The following ADIPOR2 variants were observed in gnomAD, a reference collection of about 807,000 sequenced individuals.
ADIPOR2 encodes the protein adiponectin receptor protein 2.
Under a neutral mutation model 40.9 loss-of-function variants are expected in ADIPOR2, and 18 were observed. That is an observed-to-expected ratio of 0.44 (90% CI 0.30 to 0.65). The LOEUF is 0.65. Among genes scored for constraint, ADIPOR2 ranks in the 30% least tolerant of loss-of-function variants. ADIPOR2 has a pLI of 0.09. For synonymous variants in ADIPOR2, 165 were observed against 166.4 expected (o/e 0.99, Z 0.06); for missense variants, 283 against 479.2 (o/e 0.59, Z 3.82).
At chr12:1,749,451 C>T (rs1306497224) in intron 1 of ADIPOR2, among the ~76,000 whole-genome samples, 1 of 152,174 alleles carries the variant, frequency 6.6e-6, no homozygotes, top group Non-Finnish European at 1.5e-5. Context: ...GGAATAAAGG[C>T]TATGGGAGTT....
intron 6 of ADIPOR2, among the ~76,000 whole-genome samples, chr12:1,782,382 C>T (rs1862735065): frequency 6.6e-6 from 1 of 152,190 alleles, no homozygotes; most frequent in African/African-American, 2.4e-5. Context: ...CAAATGACAG[C>T]TTGTTTTGCA....
intron 1 of ADIPOR2, among the ~76,000 whole-genome samples, chr12:1,706,794 A>G (rs761050165): frequency 1.4e-4 from 22 of 152,180 alleles, no homozygotes; most frequent in Non-Finnish European, 2.4e-4. Context: ...GTTCAAGGAA[A>G]CCACTGATTT....
chr12:1,783,180 A>G (rs974131817), intron 6 of ADIPOR2, among the ~76,000 whole-genome samples: 1 of 151,406 alleles, frequency 6.6e-6, no homozygotes, highest in African/African-American at 2.4e-5. Flanking sequence ...TGATGTGATC[A>G]TTCATCGCCT....
At chr12:1,759,361 T>G (rs2068485) in intron 2 of ADIPOR2, among the ~76,000 whole-genome samples, 68,808 of 152,088 alleles carry the variant, frequency 0.45, 15,756 homozygotes, top group Admixed American at 0.57. Context: ...TTTAAAACAT[T>G]ATGGGAGCCC....
intron 1 of ADIPOR2, among the ~76,000 whole-genome samples, chr12:1,727,372 A>C (rs530615552): frequency 6.6e-6 from 1 of 152,348 alleles, no homozygotes; most frequent in South Asian, 2.1e-4. Flanking sequence ...GTGAGAACAT[A>C]CTTTTTAAAG....
intron 1 of ADIPOR2, among the ~76,000 whole-genome samples, chr12:1,752,748 A>C (rs764500745): frequency 1.3e-4 from 20 of 152,220 alleles, no homozygotes; most frequent in Non-Finnish European, 2.6e-4. Flanking sequence ...TACAGAATTT[A>C]CCTTTGTTGA....
At chr12:1,783,774 C>T (rs1464589804) in intron 6 of ADIPOR2, 106 bp from the exon 7 acceptor site, 4 of 970,954 alleles carry the variant, frequency 4.1e-6, no homozygotes, top group Non-Finnish European at 5.8e-6. Flanking sequence ...TTATATGCTA[C>T]TTTGAAATAT....
At chr12:1,723,906 A>G (rs1215377080) in intron 1 of ADIPOR2, among the ~76,000 whole-genome samples, 1 of 152,168 alleles carries the variant, frequency 6.6e-6, no homozygotes. Flanking sequence ...TTATTGACAA[A>G]TGCTGGAAGT....
chr12:1,770,023 G>T (rs570980812), intron 2 of ADIPOR2, among the ~76,000 whole-genome samples: 1 of 151,788 alleles, frequency 6.6e-6, no homozygotes, highest in African/African-American at 2.4e-5. Context: ...GGCTCAAGGA[G>T]TCCTCCCCCT....
intron 2 of ADIPOR2, chr12:1,758,017 C>T (rs1862181009): frequency 3.7e-6 from 3 of 819,264 alleles, no homozygotes; most frequent in East Asian, 2.5e-5. Flanking sequence ...GCCATGGCTG[C>T]GTTAGGCAGG....
At chr12:1,693,936 C>T (rs978828895) in intron 1 of ADIPOR2, among the ~76,000 whole-genome samples, 2 of 152,108 alleles carry the variant, frequency 1.3e-5, no homozygotes, top group Middle Eastern at 3.4e-3. Context: ...GCTTATGAAC[C>T]GGGTTTTCAT....
At chr12:1,771,205 C>T (rs936974927) in intron 2 of ADIPOR2, among the ~76,000 whole-genome samples, 8 of 152,068 alleles carry the variant, frequency 5.3e-5, no homozygotes, top group Non-Finnish European at 1.2e-4. Context: ...CTGTAGTGCA[C>T]GCATGCACAC....
At chr12:1,726,544 A>G (rs1397798908) in intron 1 of ADIPOR2, among the ~76,000 whole-genome samples, 2 of 152,190 alleles carry the variant, frequency 1.3e-5, no homozygotes, top group African/African-American at 2.4e-5. Context: ...TAGGAAGGCA[A>G]CCTGGTGTGA....
intron 1 of ADIPOR2, chr12:1,730,743 G>C (rs751022333): frequency 6.6e-6 from 1 of 151,924 alleles, no homozygotes; most frequent in African/African-American, 2.4e-5. Flanking sequence ...TTTAGCATCA[G>C]TTGGGCTCAT....
chr12:1,726,095 A>G (rs1273043046), intron 1 of ADIPOR2, among the ~76,000 whole-genome samples: 3 of 152,230 alleles, frequency 2.0e-5, no homozygotes, highest in Non-Finnish European at 4.4e-5. Flanking sequence ...AGGCAGAGAA[A>G]ATTGCTTTTG....
intron 1 of ADIPOR2, among the ~76,000 whole-genome samples, chr12:1,702,708 C>T (rs2154441437): frequency 6.6e-6 from 1 of 152,184 alleles, no homozygotes; most frequent in African/African-American, 2.4e-5. Flanking sequence ...TTGCAACTGT[C>T]TTTTCTCAGT....
chr12:1,693,007 T>G (rs976600530), intron 1 of ADIPOR2, among the ~76,000 whole-genome samples: 1 of 152,096 alleles, frequency 6.6e-6, no homozygotes, highest in East Asian at 1.9e-4. Context: ...CTACAAAAAT[T>G]AGCCGGGTGT....
At chr12:1,691,451 G>T (rs539970431) in intron 1 of ADIPOR2, among the ~76,000 whole-genome samples, 2 of 152,310 alleles carry the variant, frequency 1.3e-5, no homozygotes, top group Admixed American at 6.5e-5. Context: ...GGAGTCCGGC[G>T]CCCGCTGTTC....
chr12:1,772,032 C>T (rs1862502886), intron 2 of ADIPOR2, among the ~76,000 whole-genome samples: 1 of 152,266 alleles, frequency 6.6e-6, no homozygotes, highest in Non-Finnish European at 1.5e-5. Flanking sequence ...CCACTTTGGT[C>T]TCCTGACTTG....
Sources: gnomAD v4.1 joint callset for allele counts (sites outside exome capture counted in the v4.1 genomes callset) on GRCh38, gnomAD v4.1.1 for gene constraint, MANE v1.5 for transcripts, NCBI Gene and HGNC (gene_info 2026-07-23, HGNC 2026-07-21) for gene names.